EXOC3: variants seen among roughly 807,000 people sequenced by gnomAD.
EXOC3 encodes SEC6-like 1.
In EXOC3, 21 loss-of-function variants were observed where a neutral mutation model predicts 73.7. The ratio of observed to expected loss-of-function variants is 0.29; its 90% CI spans 0.20 to 0.41. The LOEUF (loss-of-function observed/expected upper bound fraction) is 0.41, where lower values mean the gene tolerates loss of function less well. EXOC3 is among the 10% of genes least tolerant of loss of function. The pLI is 1.00. For synonymous variants in EXOC3, 410 were observed against 389.1 expected, an observed-to-expected ratio of 1.05 and a Z score of -0.63; for missense variants, 842 against 985.1, an observed-to-expected ratio of 0.85 and a Z score of 1.95.
At chr5:465,938 C>G in intron 12 of EXOC3, 93 bp downstream of exon 12, 2 of 1,425,142 alleles carry the variant, frequency 1.4e-6, no homozygotes, top group Non-Finnish European at 1.9e-6. Flanking sequence ...GCTCCTGGTT[C>G]GCAAGTTCAG....
At chr5:461,655 G>A (rs989638435) in intron 7 of EXOC3, 3 of 345,894 alleles carry the variant, frequency 8.7e-6, no homozygotes, top group African/African-American at 2.1e-5. Flanking sequence ...TTACCCCGAC[G>A]GGTAGCTCAC....
At chr5:464,842 C>T in intron 10 of EXOC3, 1 of 534,122 alleles carries the variant, frequency 1.9e-6, no homozygotes, top group Non-Finnish European at 3.3e-6. Flanking sequence ...TGTCTGTGGA[C>T]CGAGTGCTCA....
At chr5:445,410 C>T (rs1324292423) in intron 1 of EXOC3, among the ~76,000 whole-genome samples, 7 of 143,998 alleles carry the variant, frequency 4.9e-5, no homozygotes, top group Non-Finnish European at 7.4e-5. Flanking sequence ...AGTGCAGTGG[C>T]GCGATCTCGG....
At chr5:460,270 C>T (rs114397548) in intron 7 of EXOC3, among the ~76,000 whole-genome samples, 3,860 of 152,336 alleles carry the variant, frequency 0.025, 98 homozygotes, top group Admixed American at 0.056. Flanking sequence ...AGCCCCTTCC[C>T]TCCTTCAGCT....
At chr5:462,475 C>T (rs539884427) in intron 9 of EXOC3, 168 bp downstream of exon 9, 7 of 662,880 alleles carry the variant, frequency 1.1e-5, no homozygotes, top group South Asian at 7.3e-5. Context: ...TTTTCGGTGA[C>T]GCTGCTTCGT....
chr5:446,191 A>G lies in EXOC3; in HGVS notation c.-15A>G. The G allele has an allele frequency of 1.2e-6, 2 of 1,613,928 alleles. No individual in the cohort carries two copies. Among genetic ancestry groups the G allele is most frequent in the Non-Finnish European group, 1.7e-6 (2 of 1,179,842 alleles). On this transcript the variant is annotated 5_prime_UTR_variant, in exon 2 of 13. Transcript: ENST00000512944. ...CTAGCATGAACAGTGTGAGGATTCC[A>G]CCAGCTTTTTCACCATGAAGGAGAC...
chr5:458,004 A>G lies in EXOC3; in HGVS notation c.1269A>G (p.Thr423=), dbSNP rs757853973. ...EADQDGYYQT[T]LPAIVFQMFE... is the part of the protein sequence containing the mutation. ...ACCAGGACGGGTACTACCAGACCACACTCCCTGCCATTGTCTTCCAGGTAC... is the reference window on the plus strand; with the variant it reads ...ACCAGGACGGGTACTACCAGACCACGCTCCCTGCCATTGTCTTCCAGGTAC... Residue 423 remains threonine (T), a synonymous_variant, in exon 6 of 13, where the codon ACA becomes ACG. Coordinates refer to ENST00000512944, the MANE Select transcript of EXOC3 (RefSeq NM_007277.5). 3.1e-6 allele frequency: 5 copies of G among 1,611,834 alleles called. No homozygotes were observed. The South Asian group carries it at 3.3e-5, about 11-fold the overall frequency.
At chr5:454,869 T>TTTC (rs1553991820) in intron 4 of EXOC3, among the ~76,000 whole-genome samples, 8 of 35,226 alleles carry the variant, frequency 2.3e-4, no homozygotes, top group Admixed American at 1.3e-3. Context: ...ATAAACCTCA[T>TTTC]TTTTTTTTTT....
chr5:453,500 G>A lies in EXOC3; in HGVS notation c.495G>A (p.Gly165=). The part of the protein sequence containing the change: ...LMYEQYRMDS[G]NTRDMTLIHG... ...ACGAGCAGTACCGCATGGACAGTGG[G>A]AACACGCGTGACATGACCCTCATCC... Residue 165 remains glycine, a synonymous_variant, in exon 4 of 13, where the codon GGG becomes GGA. Transcript: ENST00000512944. 6.2e-7 allele frequency: 1 copy of A among 1,613,986 alleles called. No individual in the cohort carries two copies. Among genetic ancestry groups the A allele is most frequent in the Non-Finnish European group, 8.5e-7 (1 of 1,179,882 alleles).
chr5:449,453 C>T (rs1737595651), intron 3 of EXOC3, among the ~76,000 whole-genome samples: 1 of 152,240 alleles, frequency 6.6e-6, no homozygotes, highest in South Asian at 2.1e-4. Context: ...ACTGACTTCG[C>T]ACCCTCTGCC....
At chr5:466,274 AG>A (rs1160759297) in intron 12 of EXOC3, 2 of 242,306 alleles carry the variant, frequency 8.3e-6, no homozygotes, top group African/African-American at 4.5e-5. Flanking sequence ...CCCCAGTACC[AG>A]GTCCAGGGAA....
At position 464,305 on chromosome 5, in the gene EXOC3, TTGA is replaced by T; in HGVS notation, c.1673_1675del (p.Met558del). 1 of 1,613,626 alleles carries T rather than the reference TTGA, an allele frequency of 6.2e-7. No individual in the cohort carries two copies. Among genetic ancestry groups the T allele is most frequent in the Non-Finnish European group, 8.5e-7 (1 of 1,179,586 alleles). ...TGCTTTTCAGCAACATCTGAATGAA[TTGA>T]TGACGAAGAAGTGGCTATTAGGGTC... On this transcript the variant is annotated inframe_deletion, in exon 10 of 13. Coordinates refer to ENST00000512944, the MANE Select transcript of EXOC3 (RefSeq NM_007277.5).
Position 453,898 on chromosome 5 carries a change from T to C in EXOC3, c.893T>C (p.Val298Ala). Residue 298 changes from valine (V) to alanine (A), a missense_variant, in exon 4 of 13, where the codon GTT becomes GCT. Transcript: ENST00000512944. ...DDLIVAKNLM[V>A]QCFPPHYEIF... ...CTCATTGTCGCCAAAAACCTGATGGTTCAGTGCTTTCCTCCCCACTATGAG... is the reference window on the plus strand; with the variant it reads ...CTCATTGTCGCCAAAAACCTGATGGCTCAGTGCTTTCCTCCCCACTATGAG... 6.2e-7 allele frequency: 1 copy of C among 1,613,812 alleles called. No individual in the cohort carries two copies. Among genetic ancestry groups the C allele is most frequent in the Non-Finnish European group, 8.5e-7 (1 of 1,179,872 alleles).
chr5:461,362 C>T (rs980792502), intron 7 of EXOC3, among the ~76,000 whole-genome samples: 2 of 152,144 alleles, frequency 1.3e-5, no homozygotes, highest in Non-Finnish European at 2.9e-5. Context: ...CGCCTGTAAT[C>T]CCAGCACTTT....
chr5:463,436 G>A (rs1204715599), intron 9 of EXOC3, among the ~76,000 whole-genome samples: 1 of 152,186 alleles, frequency 6.6e-6, no homozygotes, highest in Non-Finnish European at 1.5e-5. Flanking sequence ...TCTTATCCTC[G>A]AAGCAATGAA....
At chr5:463,686 T>C (rs994386190) in intron 9 of EXOC3, among the ~76,000 whole-genome samples, 1 of 152,242 alleles carries the variant, frequency 6.6e-6, no homozygotes, top group Non-Finnish European at 1.5e-5. Context: ...ATTGGAGTTT[T>C]AATTTGTATA....
Position 453,752 on chromosome 5 carries a change from C to T in EXOC3, c.747C>T (p.Phe249=), listed in dbSNP as rs771408369. 1.2e-6 allele frequency: 2 copies of T among 1,613,944 alleles called. No individual in the cohort carries two copies. Among genetic ancestry groups the T allele is most frequent in the Non-Finnish European group, 1.7e-6 (2 of 1,179,898 alleles). ...CCAAGAATTGGAAGGAGAAAATGTT[C>T]ACCATCTTGGAGAGGACTGTGACCA... ...GRPKNWKEKM[F]TILERTVTTR... is the part of the protein sequence containing the mutation. Residue 249 remains phenylalanine (F), a synonymous_variant, in exon 4 of 13, where the codon TTC becomes TTT. Coordinates refer to ENST00000512944, the MANE Select transcript of EXOC3 (RefSeq NM_007277.5).
At chr5:463,421 C>G (rs1332791895) in intron 9 of EXOC3, among the ~76,000 whole-genome samples, 2 of 152,216 alleles carry the variant, frequency 1.3e-5, no homozygotes, top group African/African-American at 4.8e-5. Flanking sequence ...AAACTAGACG[C>G]CCGATCTTAT....
At chr5:464,235 C>T (rs1043004017) in intron 9 of EXOC3, 55 bp from the exon 10 acceptor site, 10 of 1,578,454 alleles carry the variant, frequency 6.3e-6, no homozygotes, top group Admixed American at 3.4e-5. Flanking sequence ...CACATGCACT[C>T]GGCTCTCGTG....
Sources: allele counts gnomAD v4.1 joint callset (sites outside exome capture counted in the v4.1 genomes callset), GRCh38; gene constraint gnomAD v4.1.1; transcripts MANE v1.5; gene names NCBI Gene and HGNC (gene_info 2026-07-23, HGNC 2026-07-21).